Variants in DLGAP2 observed in about 807,000 individuals in gnomAD.
DLGAP2 encodes the protein DLG associated protein 2, also known as disks large-associated protein 2.
Under a neutral mutation model 100.3 loss-of-function variants are expected in DLGAP2, and 26 were observed. The ratio of observed to expected loss-of-function variants is 0.26; its 90% CI spans 0.19 to 0.36. DLGAP2 has a LOEUF of 0.36. Among genes scored for constraint, DLGAP2 ranks in the 10% least tolerant of loss-of-function variants. The pLI, the probability that DLGAP2 is intolerant of heterozygous loss-of-function variation, is 1.00. For missense variants in DLGAP2, 1,858 were observed against 1,453.2 expected (o/e 1.28, Z -4.53); for synonymous variants, 886 against 630.1 (o/e 1.41, Z -6.08).
intron 2 of DLGAP2, among the ~76,000 whole-genome samples, chr8:1,149,092 T>C (rs2129051328): frequency 6.6e-6 from 1 of 152,344 alleles, no homozygotes; most frequent in East Asian, 1.9e-4. Context: ...ATGTACAAAT[T>C]CAGATTGTCA....
chr8:1,617,606 G>A (rs1172587563), intron 6 of DLGAP2, among the ~76,000 whole-genome samples: 2 of 152,090 alleles, frequency 1.3e-5, no homozygotes, highest in Admixed American at 6.6e-5. Flanking sequence ...TAGATGCTGG[G>A]TATTAGACCT....
intron 12 of DLGAP2, among the ~76,000 whole-genome samples, chr8:1,683,504 G>T (rs1443196737): frequency 6.6e-6 from 1 of 151,282 alleles, no homozygotes; most frequent in East Asian, 1.9e-4. Flanking sequence ...CTTGCCTAAA[G>T]CTCCGCACCT....
At chr8:1,163,587 C>T (rs1299588580) in intron 2 of DLGAP2, among the ~76,000 whole-genome samples, 1 of 152,226 alleles carries the variant, frequency 6.6e-6, no homozygotes, top group African/African-American at 2.4e-5. Context: ...CTGCGTGAGC[C>T]AAGAACGCGG....
At chr8:1,455,049 G>A (rs137859246) in intron 3 of DLGAP2, among the ~76,000 whole-genome samples, 84 of 152,326 alleles carry the variant, frequency 5.5e-4, no homozygotes, top group Non-Finnish European at 1.0e-3. Flanking sequence ...GGGGGATACC[G>A]GATGCAAGGA....
intron 1 of DLGAP2, among the ~76,000 whole-genome samples, chr8:874,453 T>G (rs60342842): frequency 0.26 from 39,988 of 152,046 alleles, 5,801 homozygotes; most frequent in Non-Finnish European, 0.33. Flanking sequence ...GGATTTGTTC[T>G]TTGTCCCATT....
chr8:1,408,964 G>T lies in DLGAP2; in HGVS notation c.107-92402G>T, dbSNP rs929924560. ...GACAGTGGACATTTAATCGATGTCT[G>T]TTGGGGAAGCATCAGTTAATTCCCT... is the stretch of plus-strand genomic sequence containing the variant. On this transcript the variant is annotated intron_variant, in intron 3 of 14. Transcript: ENST00000637795. 4.6e-5 allele frequency among the ~76,000 whole-genome samples: 7 copies of T among 152,362 alleles called. No homozygotes were observed. In the East Asian group the frequency reaches 9.6e-4, roughly 21 times the overall value.
chr8:961,056 G>A (rs372412206), intron 2 of DLGAP2, among the ~76,000 whole-genome samples: 1 of 148,928 alleles, frequency 6.7e-6, no homozygotes, highest in Admixed American at 6.7e-5. Context: ...CACCAATTCA[G>A]TGGTGGCTCT....
At chr8:828,051 A>G (rs1037479576) in intron 1 of DLGAP2, among the ~76,000 whole-genome samples, 4 of 152,196 alleles carry the variant, frequency 2.6e-5, no homozygotes, top group African/African-American at 9.7e-5. Flanking sequence ...ACAGACATCA[A>G]GTACTTAACA....
intron 5 of DLGAP2, among the ~76,000 whole-genome samples, chr8:1,561,330 C>T (rs2956902): frequency 0.45 from 68,643 of 151,802 alleles, 15,650 homozygotes; most frequent in Admixed American, 0.54. Flanking sequence ...CCTTTCAGCG[C>T]GGTCTGTATT....
chr8:957,304 G>A (rs1370784872), intron 2 of DLGAP2, among the ~76,000 whole-genome samples: 1 of 152,234 alleles, frequency 6.6e-6, no homozygotes, highest in Non-Finnish European at 1.5e-5. Flanking sequence ...CCCTGGAAGA[G>A]GAGCCAGGGA....
chr8:1,387,225 G>A (rs1307095601), intron 3 of DLGAP2, among the ~76,000 whole-genome samples: 4 of 152,210 alleles, frequency 2.6e-5, no homozygotes, highest in African/African-American at 7.2e-5. Flanking sequence ...GCAGAGGGTG[G>A]AGAGACTGAG....
chr8:1,520,139 A>T (rs2130413148), intron 4 of DLGAP2, among the ~76,000 whole-genome samples: 1 of 152,304 alleles, frequency 6.6e-6, no homozygotes, highest in East Asian at 1.9e-4. Context: ...TATACACCTG[A>T]TGAACATGTT....
chr8:961,110 A>G (rs1799715499), intron 2 of DLGAP2, among the ~76,000 whole-genome samples: 1 of 152,248 alleles, frequency 6.6e-6, no homozygotes, highest in Non-Finnish European at 1.5e-5. Context: ...TACATATTCC[A>G]TTAGGCTTGC....
At chr8:1,524,293 C>T (rs1800716513) in intron 4 of DLGAP2, among the ~76,000 whole-genome samples, 2 of 152,082 alleles carry the variant, frequency 1.3e-5, no homozygotes, top group African/African-American at 4.8e-5. Context: ...AGAAGGTTGT[C>T]TCTTTAGGGG....
rs954294973 is a variant in DLGAP2, at chr8:1,175,303, A to T, written c.74-83548A>T. Among the ~76,000 whole-genome samples the T allele has an allele frequency of 3.9e-5, 6 of 152,174 alleles. 1 individual carries two copies. Among genetic ancestry groups the T allele is most frequent in the Admixed American group, 3.9e-4 (6 of 15,272 alleles). The stretch of plus-strand genomic sequence containing the variant: ...CCCAATAGTGCATTTCATGGGGAAG[A>T]TCAATACATGTACGTGTGGGCTTAG... On this transcript the variant is annotated intron_variant, in intron 2 of 14. Coordinates refer to ENST00000637795, the MANE Select transcript of DLGAP2 (RefSeq NM_001346810.2).
intron 2 of DLGAP2, among the ~76,000 whole-genome samples, chr8:1,163,922 C>T (rs1796942233): frequency 6.6e-6 from 1 of 152,226 alleles, no homozygotes; most frequent in South Asian, 2.1e-4. Flanking sequence ...GTCCGCGGGC[C>T]CTGGCTTCCT....
At chr8:1,360,448 C>T (rs903345251) in intron 3 of DLGAP2, among the ~76,000 whole-genome samples, 12 of 145,320 alleles carry the variant, frequency 8.3e-5, no homozygotes, top group Non-Finnish European at 1.8e-4. Context: ...GAGTGTTTTG[C>T]CCACTCCAGG....
chr8:1,260,569 A>G (rs1346897559), intron 3 of DLGAP2, among the ~76,000 whole-genome samples: 2 of 151,832 alleles, frequency 1.3e-5, no homozygotes, highest in Admixed American at 6.6e-5. Flanking sequence ...AGGCTGGTAA[A>G]TCACCCCGGA....
At chr8:994,339 T>C (rs1800725076) in intron 2 of DLGAP2, among the ~76,000 whole-genome samples, 1 of 152,132 alleles carries the variant, frequency 6.6e-6, no homozygotes, top group African/African-American at 2.4e-5. Flanking sequence ...TAGCTGGGAT[T>C]ACAGGCATGG....
Sources: gnomAD v4.1 joint callset for allele counts (sites outside exome capture counted in the v4.1 genomes callset) on GRCh38, gnomAD v4.1.1 for gene constraint, MANE v1.5 for transcripts, NCBI Gene and HGNC (gene_info 2026-07-23, HGNC 2026-07-21) for gene names.